Variants in PEX14 observed in about 807,000 individuals in gnomAD.
The protein encoded by PEX14 is peroxisomal membrane protein PEX14.
A neutral mutation model predicts 49.5 loss-of-function variants in PEX14; 15 were observed. The ratio of observed to expected loss-of-function variants is 0.30; its 90% CI spans 0.20 to 0.47. The LOEUF (loss-of-function observed/expected upper bound fraction) is 0.47, where lower values mean the gene tolerates loss of function less well. Ranked by LOEUF, PEX14 falls within the 20% of genes least tolerant of loss-of-function variation. PEX14 has a pLI of 1.00. For missense variants in PEX14, 398 were observed against 494.8 expected, an observed-to-expected ratio of 0.80 and a Z score of 1.86; for synonymous variants, 210 against 212.7, an observed-to-expected ratio of 0.99 and a Z score of 0.11.
intron 4 of PEX14, among the ~76,000 whole-genome samples, chr1:10,604,876 G>A (rs368052799): frequency 3.9e-5 from 6 of 152,202 alleles, no homozygotes; most frequent in East Asian, 3.9e-4. Context: ...AGACATGGGT[G>A]GGGGGGCATC....
intron 1 of PEX14, among the ~76,000 whole-genome samples, chr1:10,493,174 A>T (rs1641500868): frequency 6.6e-6 from 1 of 152,138 alleles, no homozygotes; most frequent in Non-Finnish European, 1.5e-5. Context: ...GGCCACGCTG[A>T]GGTTTTTCTG....
chr1:10,489,291 A>G (rs1237376586), intron 1 of PEX14, among the ~76,000 whole-genome samples: 1 of 152,114 alleles, frequency 6.6e-6, no homozygotes, highest in Admixed American at 6.6e-5. Flanking sequence ...ATGTGTTGAA[A>G]TTTTTTATTG....
chr1:10,606,894 A>T (rs955787142), intron 4 of PEX14, among the ~76,000 whole-genome samples: 5 of 152,166 alleles, frequency 3.3e-5, no homozygotes, highest in Admixed American at 1.3e-4. Flanking sequence ...ATTTACGTAA[A>T]ATAAAATACA....
intron 4 of PEX14, among the ~76,000 whole-genome samples, chr1:10,610,398 C>CATAT (rs1553119498): frequency 6.7e-4 from 94 of 140,698 alleles, no homozygotes; most frequent in Admixed American, 1.2e-3. Context: ...CACACACACA[C>CATAT]ATATATATAT....
intron 4 of PEX14, among the ~76,000 whole-genome samples, chr1:10,600,339 T>G (rs546430292): frequency 6.6e-6 from 1 of 152,236 alleles, no homozygotes; most frequent in East Asian, 1.9e-4. Flanking sequence ...GAGAATTGCT[T>G]GAACCCGGGA....
intron 3 of PEX14, among the ~76,000 whole-genome samples, chr1:10,588,694 G>C (rs1640571915): frequency 6.6e-6 from 1 of 152,104 alleles, no homozygotes; most frequent in Non-Finnish European, 1.5e-5. Flanking sequence ...TGATCAGATC[G>C]ATGGTCATGG....
At chr1:10,530,676 G>A (rs1430625989) in intron 2 of PEX14, among the ~76,000 whole-genome samples, 1 of 152,134 alleles carries the variant, frequency 6.6e-6, no homozygotes, top group Non-Finnish European at 1.5e-5. Flanking sequence ...CTCTTACCTG[G>A]CTATTGGGCC....
intron 1 of PEX14, among the ~76,000 whole-genome samples, chr1:10,485,188 G>A (rs528091881): frequency 7.3e-5 from 11 of 151,688 alleles, no homozygotes; most frequent in Admixed American, 3.3e-4. Context: ...ACCTGTAAGT[G>A]GAATGGTAGG....
At chr1:10,527,528 AAAG>A (rs1638524972) in intron 2 of PEX14, among the ~76,000 whole-genome samples, 1 of 151,846 alleles carries the variant, frequency 6.6e-6, no homozygotes, top group East Asian at 1.9e-4. Flanking sequence ...AAAAAAAAAA[AAAG>A]AAAAAATTTG....
chr1:10,610,530 G>A (rs1570347497), intron 4 of PEX14, among the ~76,000 whole-genome samples: 1 of 151,774 alleles, frequency 6.6e-6, no homozygotes, highest in East Asian at 1.9e-4. Context: ...TGCCCAGGCT[G>A]GAGTGCAATG....
intron 2 of PEX14, chr1:10,535,776 C>CAT: frequency 3.6e-6 from 1 of 276,580 alleles, no homozygotes; most frequent in Middle Eastern, 1.3e-3. Context: ...TGATAGAGAA[C>CAT]GTGTGTGTGT....
At chr1:10,625,109 T>C (rs1641706862) in intron 7 of PEX14, among the ~76,000 whole-genome samples, 1 of 152,196 alleles carries the variant, frequency 6.6e-6, no homozygotes, top group South Asian at 2.1e-4. Flanking sequence ...TCCTCATCTG[T>C]AAAATGGAGC....
intron 2 of PEX14, among the ~76,000 whole-genome samples, chr1:10,519,129 C>T (rs1642022832): frequency 6.6e-6 from 1 of 152,160 alleles, no homozygotes; most frequent in African/African-American, 2.4e-5. Context: ...GAGTAGCACA[C>T]CACCGAGTAG....
At position 10,624,448 on chromosome 1, in the gene PEX14, C is replaced by G. The variant is rs1216631067; in HGVS notation, c.585+11C>G. ...CTGGCCGCTGCCAAGGTACCTGTCT[C>G]TGCTGCACAGGGCCCTCCAGGCCCA... is the stretch of plus-strand genomic sequence containing the variant. On this transcript the variant is annotated intron_variant, in intron 7 of 8. Coordinates refer to ENST00000356607, the MANE Select transcript of PEX14 (RefSeq NM_004565.3). The G allele has an allele frequency of 2.5e-6, 4 of 1,574,408 alleles. No individual in the cohort carries two copies. The highest frequency in any genetic ancestry group is 2.7e-5 in the African/African-American group (2 of 74,094).
intron 2 of PEX14, among the ~76,000 whole-genome samples, chr1:10,502,164 T>C (rs142799845): frequency 2.0e-5 from 3 of 152,304 alleles, no homozygotes; most frequent in Non-Finnish European, 4.4e-5. Flanking sequence ...GGCTGTCCTC[T>C]TTCCTCACTC....
chr1:10,585,875 G>A (rs1173093988), intron 3 of PEX14, among the ~76,000 whole-genome samples: 4 of 152,180 alleles, frequency 2.6e-5, no homozygotes, highest in African/African-American at 4.8e-5. Flanking sequence ...TAGCCTGGGC[G>A]ACAGAGCGAG....
intron 3 of PEX14, among the ~76,000 whole-genome samples, chr1:10,558,799 T>C (rs1295901702): frequency 1.3e-5 from 2 of 151,684 alleles, no homozygotes; most frequent in Non-Finnish European, 1.5e-5. Flanking sequence ...GTCTTTGCAG[T>C]ATGCACTCTT....
intron 5 of PEX14, among the ~76,000 whole-genome samples, chr1:10,620,982 G>A (rs1199951765): frequency 2.6e-5 from 4 of 152,198 alleles, no homozygotes; most frequent in Non-Finnish European, 5.9e-5. Flanking sequence ...CTGTCACATG[G>A]CCACCCATGG....
intron 3 of PEX14, among the ~76,000 whole-genome samples, chr1:10,546,408 A>G (rs1363568058): frequency 1.3e-5 from 2 of 151,916 alleles, no homozygotes; most frequent in African/African-American, 4.8e-5. Context: ...TCTACTAAAA[A>G]TACAAAATTA....
Sources: allele counts gnomAD v4.1 joint callset (sites outside exome capture counted in the v4.1 genomes callset), GRCh38; gene constraint gnomAD v4.1.1; transcripts MANE v1.5; gene names NCBI Gene and HGNC (gene_info 2026-07-23, HGNC 2026-07-21).